Variants in USP54 observed in about 807,000 individuals in gnomAD.
The protein encoded by USP54 is ubiquitin carboxyl-terminal hydrolase 54.
Under a neutral mutation model 170.5 loss-of-function variants are expected in USP54, and 87 were observed. The ratio of observed to expected loss-of-function variants is 0.51; its 90% CI spans 0.43 to 0.61. USP54 has a LOEUF of 0.61. Among genes scored for constraint, USP54 ranks in the 20% least tolerant of loss-of-function variants. The pLI is 0.00. For missense variants in USP54, 1,786 were observed against 2,047.8 expected, an observed-to-expected ratio of 0.87 and a Z score of 2.47; for synonymous variants, 655 against 742.8, an observed-to-expected ratio of 0.88 and a Z score of 1.92.
At chr10:73,565,665 T>C (rs1357238994) in intron 4 of USP54, among the ~76,000 whole-genome samples, 1 of 152,100 alleles carries the variant, frequency 6.6e-6, no homozygotes, top group African/African-American at 2.4e-5. Flanking sequence ...CTGATCAGAG[T>C]ATACATGAGT....
rs755450925 is a variant in USP54 at position 73,536,879 on chromosome 10, C to G, written c.976-442G>C. The stretch of plus-strand genomic sequence containing the variant: ...CACTTTCATGAAGCTGAAGAGCAGA[C>G]AGAAACTCTTTCACAGACTGCCTTA... On this transcript the variant is annotated intron_variant, in intron 10 of 23. Coordinates refer to ENST00000687698, the MANE Select transcript of USP54 (RefSeq NM_001391956.1). Among the ~76,000 whole-genome samples the G allele has an allele frequency of 5.3e-5, 8 of 152,194 alleles. No homozygotes were observed. In the South Asian group the frequency reaches 6.2e-4, roughly 12 times the overall value.
chr10:73,530,025 A>G, intron 14 of USP54, 114 bp from the exon 15 acceptor site: 1 of 1,499,534 alleles, frequency 6.7e-7, no homozygotes, highest in South Asian at 1.4e-5. Flanking sequence ...CATATCCCTA[A>G]AACACCCGAC....
chr10:73,571,077 G>A (rs2075081607), intron 4 of USP54, among the ~76,000 whole-genome samples: 1 of 147,640 alleles, frequency 6.8e-6, no homozygotes, highest in African/African-American at 2.5e-5. Context: ...GGCGGAGGCT[G>A]CAGTGAGCTG....
rs752459012 is a variant in USP54 at position 73,541,491 on chromosome 10, G to A, written c.709C>T (p.Arg237Cys). The A allele has an allele frequency of 2.7e-5, 44 of 1,613,954 alleles. No individual in the cohort carries two copies. Among genetic ancestry groups the A allele is most frequent in the Admixed American group, 8.3e-5 (5 of 60,000 alleles). Residue 237 changes from arginine (R) to cysteine (C), a missense_variant, in exon 9 of 24, where the codon CGT becomes TGT. Arg to Cys is a radical substitution (Grantham distance 180). Around this residue, in one of 3 missense-constraint regions of USP54, gnomAD observed 361 missense variants for 455.0 expected, o/e 0.79. Transcript: ENST00000687698. Reference sequence around the variant, plus strand: ...ATCTGTGGAGCATTCATCAACACACGGCGAATCCTGATCCTCTCTCCACAG... The same window carrying A: ...ATCTGTGGAGCATTCATCAACACACAGCGAATCCTGATCCTCTCTCCACAG... ...SNCGERIRIR[R>C]VLMNAPQIIT...
At chr10:73,556,345 C>CT (rs954299268) in intron 4 of USP54, among the ~76,000 whole-genome samples, 3,383 of 133,798 alleles carry the variant, frequency 0.025, 124 homozygotes, top group African/African-American at 0.071. Context: ...CTTTTTTTTT[C>CT]TTTTTTTTTT....
intron 4 of USP54, among the ~76,000 whole-genome samples, chr10:73,552,412 CAA>C (rs77565476): frequency 2.9e-4 from 28 of 95,370 alleles, no homozygotes; most frequent in Admixed American, 3.4e-4. Flanking sequence ...GGCTCCATCT[CAA>C]AAAAAAAAAA....
At chr10:73,553,319 C>T (rs1000914707) in intron 4 of USP54, 3 of 152,168 alleles carry the variant, frequency 2.0e-5, no homozygotes, top group Admixed American at 6.5e-5. Context: ...TTATTGTTGT[C>T]AGTCTTGCTC....
intron 1 of USP54, among the ~76,000 whole-genome samples, chr10:73,598,712 C>A (rs965549834): frequency 6.6e-6 from 1 of 152,134 alleles, no homozygotes; most frequent in Non-Finnish European, 1.5e-5. Flanking sequence ...GAGATTGAGA[C>A]CAGCCTGGCC....
rs573852258 is a variant in USP54, at chr10:73,614,904, T to C, written c.-18+10663A>G. Among the ~76,000 whole-genome samples the C allele has an allele frequency of 1.9e-4, 29 of 150,354 alleles. No individual in the cohort carries two copies. The South Asian group carries it at 6.0e-3, about 31-fold the overall frequency. On this transcript the variant is annotated intron_variant, in intron 1 of 22. Coordinates refer to the USP54 transcript ENST00000339859. ...AAGACAGATATGAAATTTTAGCACA[T>C]CAACGGACACTACAGATGATGCAAC...
chr10:73,524,266 T>G (rs571339000), intron 16 of USP54, among the ~76,000 whole-genome samples: 9 of 151,916 alleles, frequency 5.9e-5, no homozygotes, highest in African/African-American at 2.2e-4. Context: ...CGGATGGCAC[T>G]TGGGCCAGGA....
At chr10:73,534,837 G>C in intron 11 of USP54, 67 bp from the exon 12 acceptor site, 4 of 1,485,320 alleles carry the variant, frequency 2.7e-6, no homozygotes, top group Non-Finnish European at 3.7e-6. Flanking sequence ...AGAAGGAAAA[G>C]AGATGGACAC....
chr10:73,529,912 C>T lies in USP54; in HGVS notation c.1829-1G>A. ...GGTTCATCTGGTATAAATTCTTTAG[C>T]TATCCCAATCAAAAGACAGGTATGG... is the stretch of plus-strand genomic sequence containing the variant. On this transcript the variant is annotated splice_acceptor_variant, in intron 14 of 23. Coordinates refer to ENST00000687698, the MANE Select transcript of USP54 (RefSeq NM_001391956.1). LOFTEE classifies it high-confidence loss of function. 1 of 1,522,792 alleles carries T rather than the reference C, an allele frequency of 6.6e-7. No homozygotes were observed. Among genetic ancestry groups the T allele is most frequent in the South Asian group, 1.3e-5 (1 of 75,520 alleles). 94.3% of individuals were successfully genotyped at this position (1,522,792 alleles called of 1,614,324 possible). A position where few individuals can be genotyped will look rare whatever the true frequency, so the allele number is the denominator to read the frequency against.
chr10:73,571,137 CAAAAAAAAAAA>C (rs59126730), intron 4 of USP54, among the ~76,000 whole-genome samples: 5 of 44,322 alleles, frequency 1.1e-4, no homozygotes, highest in African/African-American at 2.7e-4. Context: ...GACTTCATCC[CAAAAAAAAAAA>C]AAAAAAAAAA....
chr10:73,527,669 C>T (rs1187977162), intron 15 of USP54, among the ~76,000 whole-genome samples: 1 of 151,204 alleles, frequency 6.6e-6, no homozygotes, highest in African/African-American at 2.4e-5. Context: ...TTATAAAACA[C>T]AAAGTCCCAG....
chr10:73,553,746 C>A (rs2070226137), intron 4 of USP54, among the ~76,000 whole-genome samples: 1 of 152,180 alleles, frequency 6.6e-6, no homozygotes, highest in African/African-American at 2.4e-5. Flanking sequence ...TAGAGAAAAT[C>A]CACCTTGGAG....
chr10:73,578,103 C>T (rs569105113), intron 1 of USP54, among the ~76,000 whole-genome samples: 3 of 152,184 alleles, frequency 2.0e-5, no homozygotes, highest in East Asian at 1.9e-4. Flanking sequence ...AGGAGAAAAA[C>T]GCAGTAGCAG....
intron 20 of USP54, among the ~76,000 whole-genome samples, chr10:73,511,565 CA>C: frequency 6.7e-6 from 1 of 149,776 alleles, no homozygotes; most frequent in South Asian, 2.1e-4. Context: ...GAGGCTGAAG[CA>C]CGAGAATCGC....
At chr10:73,534,913 G>T (rs1383623106) in intron 11 of USP54, 143 bp from the exon 12 acceptor site, 2 of 705,222 alleles carry the variant, frequency 2.8e-6, no homozygotes, top group Non-Finnish European at 4.5e-6. Context: ...ATACCATCAA[G>T]CCATTCTTCC....
chr10:73,512,385 C>A (rs920551196), intron 20 of USP54, among the ~76,000 whole-genome samples: 2 of 152,178 alleles, frequency 1.3e-5, no homozygotes, highest in Non-Finnish European at 1.5e-5. Flanking sequence ...GTGATCCTCA[C>A]ACCTTGGCTT....
Sources: gnomAD v4.1 joint callset for allele counts (sites outside exome capture counted in the v4.1 genomes callset) on GRCh38, gnomAD v4.1.1 for gene constraint, gnomAD v4.1.1 regional missense constraint, MANE v1.5 for transcripts, NCBI Gene and HGNC (gene_info 2026-07-23, HGNC 2026-07-21) for gene names.